GRIA4: variants seen among roughly 807,000 people sequenced by gnomAD.
GRIA4 encodes the protein glutamate ionotropic receptor AMPA type subunit 4.
A neutral mutation model predicts 104.0 loss-of-function variants in GRIA4; 34 were observed. That is an observed-to-expected ratio of 0.33 (90% CI 0.25 to 0.44). The LOEUF is 0.44. Ranked by LOEUF, GRIA4 falls within the 20% of genes least tolerant of loss-of-function variation. The pLI is 1.00. For missense variants in GRIA4, 750 were observed against 1,096.5 expected, an observed-to-expected ratio of 0.68 and a Z score of 4.46; for synonymous variants, 386 against 381.9, an observed-to-expected ratio of 1.01 and a Z score of -0.13.
At chr11:105,937,717 G>A (rs1390766060) in intron 14 of GRIA4, among the ~76,000 whole-genome samples, 1 of 152,100 alleles carries the variant, frequency 6.6e-6, no homozygotes, top group Non-Finnish European at 1.5e-5. Flanking sequence ...CTCCTCTAAA[G>A]AGGTTTGTGG....
Position 105,924,721 on chromosome 11 carries a change from G to T in GRIA4, c.1799G>T (p.Trp600Leu). The T allele has an allele frequency of 6.2e-7, 1 of 1,611,960 alleles. No homozygotes were observed. Among genetic ancestry groups the T allele is most frequent in the Non-Finnish European group, 8.5e-7 (1 of 1,178,580 alleles). The part of the protein sequence containing the change: ...PNEFGIFNSL[W>L]FSLGAFMQQG... ...GAGTTTGGCATCTTTAACAGCCTCT[G>T]GTTTTCCCTGGGTGCTTTTATGCAG... Residue 600 changes from tryptophan (W) to leucine (L), a missense_variant, in exon 12 of 17, where the codon TGG becomes TTG. Physicochemically the swap from Trp to Leu is moderately conservative, Grantham distance 61. Transcript: ENST00000282499.
rs113213105 is a variant in GRIA4 at position 105,772,172 on chromosome 11, C to T, written c.487+18952C>T. On this transcript the variant is annotated intron_variant, in intron 4 of 16. Coordinates refer to ENST00000282499, the MANE Select transcript of GRIA4 (RefSeq NM_000829.4). ...ACAGCACAACTCTCCACTAAATTGC[C>T]TATTGCAGTAAAAAGAGATTATTCA... Among the ~76,000 whole-genome samples, 1,508 of 152,240 alleles carry T rather than the reference C, an allele frequency of 9.9e-3. 30 individuals are homozygous for T. The highest frequency in any genetic ancestry group is 0.035 in the African/African-American group (1,446 of 41,542).
intron 13 of GRIA4, among the ~76,000 whole-genome samples, chr11:105,931,265 T>TAG (rs1947865242): frequency 2.1e-5 from 3 of 143,786 alleles, no homozygotes; most frequent in African/African-American, 7.6e-5. Flanking sequence ...ATTGCCTAAA[T>TAG]ACACACACAC....
intron 4 of GRIA4, among the ~76,000 whole-genome samples, chr11:105,772,175 T>C (rs988888923): frequency 1.3e-5 from 2 of 152,164 alleles, no homozygotes; most frequent in African/African-American, 2.4e-5. Context: ...AAATTGCCTA[T>C]TGCAGTAAAA....
intron 3 of GRIA4, among the ~76,000 whole-genome samples, chr11:105,697,283 G>GTC (rs1170282398): frequency 4.6e-5 from 7 of 151,928 alleles, no homozygotes; most frequent in African/African-American, 1.5e-4. Flanking sequence ...GAAAGCTAGA[G>GTC]TCTCTCTCTC....
At chr11:105,668,237 A>AC (rs1328202474) in intron 3 of GRIA4, among the ~76,000 whole-genome samples, 1,599 of 48,094 alleles carry the variant, frequency 0.033, 10 homozygotes, top group Non-Finnish European at 0.048. Flanking sequence ...ATATATATAT[A>AC]TATATATATA....
chr11:105,896,642 C>T (rs1385882187), intron 6 of GRIA4, among the ~76,000 whole-genome samples: 2 of 151,980 alleles, frequency 1.3e-5, no homozygotes, highest in African/African-American at 4.8e-5. Context: ...CAGCCAGTTT[C>T]CCCAATATTA....
intron 5 of GRIA4, among the ~76,000 whole-genome samples, chr11:105,865,843 T>G (rs143311598): frequency 5.9e-5 from 9 of 152,162 alleles, no homozygotes; most frequent in Non-Finnish European, 1.2e-4. Flanking sequence ...GCCAAAGTAA[T>G]TGAGCAAAAT....
intron 5 of GRIA4, among the ~76,000 whole-genome samples, chr11:105,869,589 G>C (rs1945543552): frequency 6.6e-6 from 1 of 152,070 alleles, no homozygotes; most frequent in Admixed American, 6.6e-5. Context: ...TTAAAAGGCA[G>C]TGAGATTAAC....
In GRIA4 at chr11:105,905,230, T is replaced by G; in HGVS notation, c.1087T>G (p.Phe363Val). The change falls in exon 9 of 17, where the codon TTT (phenylalanine) becomes GTT (valine). Residue 363 changes from phenylalanine to valine, a missense_variant. Physicochemically the swap from Phe to Val is conservative, Grantham distance 50. This residue lies in a region of GRIA4 where 410 missense variants were observed against 502.7 expected (regional missense o/e 0.82). Coordinates refer to ENST00000282499, the MANE Select transcript of GRIA4 (RefSeq NM_000829.4). ...RIQGLTGNVQ[F>V]DHYGRRVNYT... Reference sequence around the variant, plus strand: ...TCAAGGGCTGACAGGGAATGTTCAGTTTGACCACTATGGACGTAGAGTCAA... The same window carrying G: ...TCAAGGGCTGACAGGGAATGTTCAGGTTGACCACTATGGACGTAGAGTCAA... The G allele has an allele frequency of 6.2e-7, 1 of 1,610,120 alleles. No individual in the cohort carries two copies. The highest frequency in any genetic ancestry group is 1.1e-5 in the South Asian group (1 of 90,986).
Position 105,748,306 on chromosome 11 carries a change from G to A in GRIA4, c.248-4675G>A, listed in dbSNP as rs1386988886. Among the ~76,000 whole-genome samples the A allele has an allele frequency of 2.0e-5, 3 of 152,088 alleles. No individual in the cohort carries two copies. In the East Asian group the frequency reaches 5.8e-4, roughly 29 times the overall value. Reference sequence around the variant, plus strand: ...GTCACCTGGGCTTCCTCACAGCATGGTGGCTGAGTAAAAAGGTTGTCTATC... The same window carrying A: ...GTCACCTGGGCTTCCTCACAGCATGATGGCTGAGTAAAAAGGTTGTCTATC... On this transcript the variant is annotated intron_variant, in intron 3 of 16. Coordinates refer to ENST00000282499, the MANE Select transcript of GRIA4 (RefSeq NM_000829.4).
intron 4 of GRIA4, among the ~76,000 whole-genome samples, chr11:105,782,637 AAC>A (rs1335665051): frequency 6.6e-6 from 1 of 152,186 alleles, no homozygotes; most frequent in Non-Finnish European, 1.5e-5. Flanking sequence ...AAGTGTGAGA[AAC>A]ACAATCTTAA....
chr11:105,680,504 A>G (rs1438701898), intron 3 of GRIA4, among the ~76,000 whole-genome samples: 2 of 152,100 alleles, frequency 1.3e-5, no homozygotes, highest in Non-Finnish European at 2.9e-5. Context: ...AATGGTGAAG[A>G]ACATAGTAAG....
In GRIA4 at chr11:105,981,590, C is replaced by CACACACA. The variant is rs918907443; in HGVS notation, c.*1852_*1853insCACACAA. 29 of 153,896 alleles carry CACACACA rather than the reference C, an allele frequency of 1.9e-4. No individual in the cohort carries two copies. Among genetic ancestry groups the CACACACA allele is most frequent in the African/African-American group, 5.1e-4 (21 of 41,262 alleles). 9.5% of individuals were successfully genotyped at this position (153,896 alleles called of 1,614,324 possible). On this transcript the variant is annotated 3_prime_UTR_variant, in exon 17 of 17. Coordinates refer to ENST00000282499, the MANE Select transcript of GRIA4 (RefSeq NM_000829.4). ...ACACACACACACACACACACACACA[C>CACACACA]AAGTCCCTCAGGAAAAATTCCAAGC...
At chr11:105,619,997 G>A (rs1950700012) in intron 3 of GRIA4, among the ~76,000 whole-genome samples, 1 of 151,714 alleles carries the variant, frequency 6.6e-6, no homozygotes, top group South Asian at 2.1e-4. Context: ...CTCTCGCATT[G>A]TCATCCTATA....
chr11:105,869,494 T>C (rs994750493), intron 5 of GRIA4, among the ~76,000 whole-genome samples: 1 of 152,110 alleles, frequency 6.6e-6, no homozygotes, highest in African/African-American at 2.4e-5. Context: ...AGGTAAGTTA[T>C]ATTCCTCATT....
At chr11:105,887,326 G>A (rs1946300043) in intron 5 of GRIA4, among the ~76,000 whole-genome samples, 193 bp from the exon 6 acceptor site, 1 of 152,004 alleles carries the variant, frequency 6.6e-6, no homozygotes, top group Non-Finnish European at 1.5e-5. Flanking sequence ...AAATAAAAGT[G>A]GTACTTTTTA....
chr11:105,893,793 T>C (rs79151585), intron 6 of GRIA4, among the ~76,000 whole-genome samples: 2 of 152,188 alleles, frequency 1.3e-5, no homozygotes, highest in African/African-American at 2.4e-5. Context: ...TGAATTACTG[T>C]GGCTTTTAGA....
intron 3 of GRIA4, among the ~76,000 whole-genome samples, chr11:105,704,583 T>C (rs1396456613): frequency 1.3e-5 from 2 of 151,996 alleles, no homozygotes; most frequent in Admixed American, 6.6e-5. Context: ...TGGACAAATT[T>C]GCATTTTTAA....
Sources: allele counts gnomAD v4.1 joint callset (sites outside exome capture counted in the v4.1 genomes callset), GRCh38; gene constraint gnomAD v4.1.1; regional missense constraint gnomAD v4.1.1; transcripts MANE v1.5; gene names NCBI Gene and HGNC (gene_info 2026-07-23, HGNC 2026-07-21).